The following MRM3 variants were observed in gnomAD, a reference collection of about 807,000 sequenced individuals.
The protein encoded by MRM3 is mitochondrial rRNA methyltransferase 3.
A neutral mutation model predicts 29.4 loss-of-function variants in MRM3; 26 were observed. That is an observed-to-expected ratio of 0.89 (90% CI 0.65 to 1.23). MRM3 has a LOEUF of 1.23. MRM3 is among the 50% of genes most tolerant of loss of function. The pLI is 0.00. For missense variants in MRM3, 578 were observed against 540.2 expected, an observed-to-expected ratio of 1.07 and a Z score of -0.69; for synonymous variants, 225 against 219.0, an observed-to-expected ratio of 1.03 and a Z score of -0.24.
At chr17:785,333 A>G (rs1910483581) in intron 2 of MRM3, among the ~76,000 whole-genome samples, 1 of 152,076 alleles carries the variant, frequency 6.6e-6, no homozygotes, top group African/African-American at 2.4e-5. Context: ...CCTTTTTCCA[A>G]TTTTTCTCTT....
chr17:783,319 G>C lies in MRM3; in HGVS notation c.551G>C (p.Gly184Ala). 2 of 1,609,480 alleles carry C rather than the reference G, an allele frequency of 1.2e-6. No individual in the cohort carries two copies. Among genetic ancestry groups the C allele is most frequent in the Non-Finnish European group, 1.7e-6 (2 of 1,177,660 alleles). The change falls in exon 2 of 4, where the codon GGA (glycine) becomes GCA (alanine). Residue 184 changes from glycine to alanine, a missense_variant. Physicochemically the swap from Gly to Ala is moderately conservative, Grantham distance 60. Transcript: ENST00000304478. Reference sequence around the variant, plus strand: ...TGGTCCGACCTCGTAACGCCACAAGGAATAATGGGTTAGTGATTACCCAGT... The same window carrying C: ...TGGTCCGACCTCGTAACGCCACAAGCAATAATGGGTTAGTGATTACCCAGT... ...KDWSDLVTPQGIMGIFAKPDH... is the reference protein window; with the variant it reads ...KDWSDLVTPQAIMGIFAKPDH...
Position 782,471 on chromosome 17 carries a change from G to A in MRM3, c.93G>A (p.Arg31=), listed in dbSNP as rs781429939. ...ACCTTGACGCGAGGCGCTGGGTCCGGGCGCTGCGGCGGAGCCCAGTGAAAG... is the reference window on the plus strand; with the variant it reads ...ACCTTGACGCGAGGCGCTGGGTCCGAGCGCTGCGGCGGAGCCCAGTGAAAG... The part of the protein sequence containing the change: ...AWDLDARRWV[R]ALRRSPVKVV... Residue 31 remains arginine, a synonymous_variant, in exon 1 of 4, where the codon CGG becomes CGA. Coordinates refer to ENST00000304478, the MANE Select transcript of MRM3 (RefSeq NM_018146.4). 6.2e-7 allele frequency: 1 copy of A among 1,613,708 alleles called. No homozygotes were observed. Among genetic ancestry groups the A allele is most frequent in the African/African-American group, 1.3e-5 (1 of 74,946 alleles).
intron 1 of MRM3, 27 bp from the exon 2 acceptor site, chr17:783,056 G>GTTTTT (rs34512506): frequency 1.8e-5 from 25 of 1,352,290 alleles, no homozygotes; most frequent in South Asian, 5.5e-5. Flanking sequence ...ATAGTTACCT[G>GTTTTT]TTTTTTTTTT....
At position 787,537 on chromosome 17, in the gene MRM3, G is replaced by A. The variant is rs112549880; in HGVS notation, c.560-428G>A. 3.3e-5 allele frequency among the ~76,000 whole-genome samples: 5 copies of A among 152,036 alleles called. No individual in the cohort carries two copies. Among genetic ancestry groups the A allele is most frequent in the South Asian group, 2.1e-4 (1 of 4,818 alleles). On this transcript the variant is annotated intron_variant, in intron 2 of 3. Transcript: ENST00000304478. This position sits in a 1 kb window ranked among gnomAD's most constrained non-coding sequence, Gnocchi z 4.1. ...GAATTTTGCCAATCAGAATGTATTC[G>A]TGGTTTTTTTTTTCCTTTTTTTTCT... is the stretch of plus-strand genomic sequence containing the variant.
chr17:782,784 A>G (rs1284747045), intron 1 of MRM3, 92 bp downstream of exon 1: 4 of 1,332,710 alleles, frequency 3.0e-6, no homozygotes, highest in East Asian at 2.5e-5. Context: ...GACTTCTTCC[A>G]GTACAGCCCG....
In MRM3 at chr17:790,577, C is replaced by T. The variant is rs959678612; in HGVS notation, c.728-957C>T. 3.7e-3 allele frequency: 680 copies of T among 182,868 alleles called. 2 individuals are homozygous for T. Among genetic ancestry groups the T allele is most frequent in the Middle Eastern group, 8.3e-3 (3 of 360 alleles). The allele number at this position is 182,868 out of a possible 1,614,324, so 11.3% of individuals were successfully genotyped here. On this transcript the variant is annotated intron_variant, in intron 3 of 3. Transcript: ENST00000304478. The stretch of plus-strand genomic sequence containing the variant: ...TGATTGGCTGGCTCACCTCCTGTGC[C>T]GCCACAGCGCCACCGCTGATTGGCC...
chr17:792,169 C>G lies in MRM3; in HGVS notation c.*100C>G, dbSNP rs1910861535. On this transcript the variant is annotated 3_prime_UTR_variant, in exon 4 of 4. Transcript: ENST00000304478. ...AGTCAGTGACTATGGCCCCCACGTTCAGGAGGAAGGTGTGATGCCGTCATA... is the reference window on the plus strand; with the variant it reads ...AGTCAGTGACTATGGCCCCCACGTTGAGGAGGAAGGTGTGATGCCGTCATA... The G allele has an allele frequency of 4.1e-6, 5 of 1,221,154 alleles. No individual in the cohort carries two copies. Among genetic ancestry groups the G allele is most frequent in the South Asian group, 3.0e-5 (2 of 66,834 alleles). The allele number at this position is 1,221,154 out of a possible 1,614,324, so 75.6% of individuals were successfully genotyped here. A position where few individuals can be genotyped will look rare whatever the true frequency, so the allele number is the denominator to read the frequency against.
At chr17:783,462 C>A in intron 2 of MRM3, 135 bp downstream of exon 2, 3 of 860,014 alleles carry the variant, frequency 3.5e-6, no homozygotes, top group Non-Finnish European at 3.4e-6. Context: ...TCAGCCTCCG[C>A]AGTAGCTGGG....
At chr17:789,281 TCCTG>T (rs1910687856) in intron 3 of MRM3, among the ~76,000 whole-genome samples, 1 of 152,212 alleles carries the variant, frequency 6.6e-6, no homozygotes, top group Non-Finnish European at 1.5e-5. Context: ...TATGAGCCAC[TCCTG>T]AGTCTTGACT....
chr17:783,260 C>G lies in MRM3; in HGVS notation c.492C>G (p.Ser164Arg). ...CAGTCGATAAGCTGAAAGGTGTCAG[C>G]CTCATTAAGGTGAAATTTGAGGATA... ...ELPVDKLKGV[S>R]LIKVKFEDIK... Residue 164 changes from serine to arginine, a missense_variant, in exon 2 of 4, where the codon AGC becomes AGG. Transcript: ENST00000304478. 6.2e-7 allele frequency: 1 copy of G among 1,614,062 alleles called. No individual in the cohort carries two copies. Among genetic ancestry groups the G allele is most frequent in the Non-Finnish European group, 8.5e-7 (1 of 1,179,996 alleles).
At chr17:789,308 G>T (rs1910689441) in intron 3 of MRM3, among the ~76,000 whole-genome samples, 1 of 152,194 alleles carries the variant, frequency 6.6e-6, no homozygotes. Context: ...TGAATCCTAT[G>T]AAAGGAATGA....
At chr17:786,088 A>T (rs1469991331) in intron 2 of MRM3, among the ~76,000 whole-genome samples, 1 of 152,156 alleles carries the variant, frequency 6.6e-6, no homozygotes, top group African/African-American at 2.4e-5. Flanking sequence ...TTTGAGCTGG[A>T]AAACAGGTTT....
chr17:784,763 G>A lies in MRM3; in HGVS notation c.559+1436G>A, dbSNP rs997386638. Among the ~76,000 whole-genome samples, 10 of 152,290 alleles carry A rather than the reference G, an allele frequency of 6.6e-5. No individual in the cohort carries two copies. In the East Asian group the frequency reaches 7.7e-4, roughly 12 times the overall value. Reference sequence around the variant, plus strand: ...ATCCAGCGACATAAGTAGGGCCTCCGTATAGTGGGTTCTCATCACCACAGA... The same window carrying A: ...ATCCAGCGACATAAGTAGGGCCTCCATATAGTGGGTTCTCATCACCACAGA... On this transcript the variant is annotated intron_variant, in intron 2 of 3. Transcript: ENST00000304478.
In MRM3 at chr17:787,351, C is replaced by A. The variant is rs937696784; in HGVS notation, c.560-614C>A. Among the ~76,000 whole-genome samples the A allele has an allele frequency of 6.6e-6, 1 of 152,084 alleles. No individual in the cohort carries two copies. The highest frequency in any genetic ancestry group is 2.4e-5 in the African/African-American group (1 of 41,408). The stretch of plus-strand genomic sequence containing the variant: ...TATTGTTGCGTAAATAAGTCGATTA[C>A]AGAATAATACAGAGTATGACACGGA... On this transcript the variant is annotated intron_variant, in intron 2 of 3. Coordinates refer to ENST00000304478, the MANE Select transcript of MRM3 (RefSeq NM_018146.4). This position sits in a 1 kb window ranked among gnomAD's most constrained non-coding sequence, Gnocchi z 4.1.
chr17:786,283 T>G (rs1225110348), intron 2 of MRM3, among the ~76,000 whole-genome samples: 1 of 152,056 alleles, frequency 6.6e-6, no homozygotes, highest in Non-Finnish European at 1.5e-5. Flanking sequence ...GTTTTTTGTT[T>G]GTTTGTTTGA....
chr17:790,574 T>G (rs959868955), intron 3 of MRM3: 4 of 186,522 alleles, frequency 2.1e-5, no homozygotes, highest in Non-Finnish European at 3.5e-5. Context: ...TCACCTCCTG[T>G]GCCGCCACAG....
chr17:783,156 C>CT lies in MRM3; in HGVS notation c.389dup (p.Ile131HisfsTer17). 1 of 1,614,054 alleles carries CT rather than the reference C, an allele frequency of 6.2e-7. No individual in the cohort carries two copies. The highest frequency in any genetic ancestry group is 8.5e-7 in the Non-Finnish European group (1 of 1,180,022). On this transcript the variant is annotated frameshift_variant, in exon 2 of 4. Transcript: ENST00000304478. LOFTEE classifies it high-confidence loss of function. ...GAAGATCCTGCTGGAAGGTCGCAGG[C>CT]TCATTTCAGACGCTCTCAAGGCTGG... is the stretch of plus-strand genomic sequence containing the variant.
intron 2 of MRM3, among the ~76,000 whole-genome samples, chr17:784,875 T>C (rs548978246): frequency 2.0e-5 from 3 of 152,304 alleles, no homozygotes; most frequent in Middle Eastern, 6.8e-3. Flanking sequence ...GGAGGCTCTC[T>C]CACAGCACAC....
chr17:784,472 C>T (rs1910439878), intron 2 of MRM3, among the ~76,000 whole-genome samples: 1 of 151,616 alleles, frequency 6.6e-6, no homozygotes, highest in Non-Finnish European at 1.5e-5. Flanking sequence ...CAGGTGTGCT[C>T]ACAGTGGCCA....
Sources: allele counts gnomAD v4.1 joint callset (sites outside exome capture counted in the v4.1 genomes callset), GRCh38; gene constraint gnomAD v4.1.1; non-coding constraint Gnocchi (gnomAD v3.1); transcripts MANE v1.5; gene names NCBI Gene and HGNC (gene_info 2026-07-23, HGNC 2026-07-21).